PRKX: variants seen among roughly 807,000 people sequenced by gnomAD.
The protein encoded by PRKX is protein kinase cAMP-dependent X-linked catalytic subunit.
A neutral mutation model predicts 22.0 loss-of-function variants in PRKX; 12 were observed. That is an observed-to-expected ratio of 0.54 (90% confidence interval 0.35 to 0.88). The LOEUF is 0.88. Among genes scored for constraint, PRKX ranks in the 40% least tolerant of loss-of-function variants. The pLI is 0.01. For synonymous variants in PRKX, 134 were observed against 137.7 expected, an observed-to-expected ratio of 0.97 and a Z score of 0.19; for missense variants, 217 against 308.0, an observed-to-expected ratio of 0.70 and a Z score of 2.21.
At chrX:3,701,305 TATGTTGTCCAGGCTAG>T (rs889938984) in intron 1 of PRKX, among the ~76,000 whole-genome samples, 1 of 111,481 alleles carries the variant, frequency 9.0e-6, no homozygotes, top group Non-Finnish European at 1.9e-5. Flanking sequence ...AAGGTCTCAC[TATGTTGTCCAGGCTAG>T]TCTAGAACTG....
intron 2 of PRKX, among the ~76,000 whole-genome samples, chrX:3,662,634 G>T (rs1226957013): frequency 1.0e-5 from 1 of 98,365 alleles, no homozygotes. Flanking sequence ...GGCGGAGCTT[G>T]CAGTGAACCA....
rs1555896018 is a variant in PRKX, at chrX:3,666,911, T to TTA, written c.335+7686_335+7687insTA. Among the ~76,000 whole-genome samples, 296 of 65,797 alleles carry TTA rather than the reference T, an allele frequency of 4.5e-3. 2 individuals are homozygous for TTA. The highest frequency in any genetic ancestry group is 0.016 in the African/African-American group (273 of 16,920). The allele number at this position is 65,797 out of a possible 115,157, so 57.1% of individuals were successfully genotyped here. ...CAACAGAGCAAGACCTCATTTCTTTTAAAAAAAAAAAAAAAAAAAAAGGAA... is the reference window on the plus strand; with the variant it reads ...CAACAGAGCAAGACCTCATTTCTTTTTAAAAAAAAAAAAAAAAAAAAAAGGAA... On this transcript the variant is annotated intron_variant, in intron 2 of 8. Transcript: ENST00000262848.
intron 1 of PRKX, among the ~76,000 whole-genome samples, chrX:3,694,680 T>C (rs1928410217): frequency 8.9e-6 from 1 of 112,332 alleles, no homozygotes. Flanking sequence ...TATTTGGAAA[T>C]AAGGAACTTT....
At chrX:3,635,019 C>T (rs1926859336) in intron 4 of PRKX, among the ~76,000 whole-genome samples, 1 of 112,326 alleles carries the variant, frequency 8.9e-6, no homozygotes, top group African/African-American at 3.2e-5. Context: ...GGTTTTAATT[C>T]TAGAAAGTGT....
chrX:3,713,480 C>A lies in PRKX; in HGVS notation c.-227G>T. 3.8e-6 allele frequency: 1 copy of A among 262,757 alleles called. No individual in the cohort carries two copies. Among genetic ancestry groups the A allele is most frequent in the East Asian group, 5.8e-5 (1 of 17,160 alleles). 21.7% of individuals were successfully genotyped at this position (262,757 alleles called of 1,213,427 possible). A position where few individuals can be genotyped will look rare whatever the true frequency, so the allele number is the denominator to read the frequency against. Reference sequence around the variant, plus strand: ...CAACGGCCCCGAGTGGGAGCAGCCGCCGGCCTCGGGGGGCGGGCACCGAGT... The same window carrying A: ...CAACGGCCCCGAGTGGGAGCAGCCGACGGCCTCGGGGGGCGGGCACCGAGT... On this transcript the variant is annotated 5_prime_UTR_variant, in exon 1 of 9. Coordinates refer to ENST00000262848, the MANE Select transcript of PRKX (RefSeq NM_005044.5).
chrX:3,694,038 C>G (rs1928394204), intron 1 of PRKX, among the ~76,000 whole-genome samples: 1 of 108,844 alleles, frequency 9.2e-6, no homozygotes, highest in African/African-American at 3.4e-5. Flanking sequence ...AGGGTGGGAC[C>G]TAAATCCAAC....
intron 1 of PRKX, among the ~76,000 whole-genome samples, chrX:3,691,941 T>C (rs1928335293): frequency 9.1e-6 from 1 of 109,733 alleles, no homozygotes; most frequent in African/African-American, 3.3e-5. Flanking sequence ...GATGATACAC[T>C]GATTAATTGA....
intron 6 of PRKX, among the ~76,000 whole-genome samples, chrX:3,619,660 G>A (rs754541669): frequency 8.9e-6 from 1 of 111,777 alleles, no homozygotes; most frequent in South Asian, 3.8e-4. Flanking sequence ...AGGCAGGAAT[G>A]ATCCTCCCCT....
chrX:3,695,214 T>C (rs1928420652), intron 1 of PRKX, among the ~76,000 whole-genome samples: 1 of 111,432 alleles, frequency 9.0e-6, no homozygotes, highest in Non-Finnish European at 1.9e-5. Flanking sequence ...ATCACCCTTC[T>C]AATTTATTTA....
intron 6 of PRKX, among the ~76,000 whole-genome samples, chrX:3,617,344 T>C (rs1004482394): frequency 9.1e-6 from 1 of 110,441 alleles, no homozygotes; most frequent in African/African-American, 3.3e-5. Context: ...GTGTGTGTTA[T>C]ATAAAGTGTG....
At chrX:3,633,256 GAA>G (rs373830482) in intron 4 of PRKX, among the ~76,000 whole-genome samples, 1,043 of 58,987 alleles carry the variant, frequency 0.018, 11 homozygotes, top group Non-Finnish European at 0.028. Flanking sequence ...TGTCTCAAAA[GAA>G]AAAAAAAAAA....
rs778103164 is a variant in PRKX, at chrX:3,614,424, G to A, written c.951+1391C>T. 3.6e-5 allele frequency among the ~76,000 whole-genome samples: 4 copies of A among 112,305 alleles called. No individual in the cohort carries two copies. The East Asian group carries it at 1.1e-3, about 32-fold the overall frequency. ...GAACTGCTTGAAGCCAGGAGGTGGA[G>A]GCTGCAGTGAGCAAGATCGTGCCAC... On this transcript the variant is annotated intron_variant, in intron 7 of 8. Coordinates refer to ENST00000262848, the MANE Select transcript of PRKX (RefSeq NM_005044.5).
At chrX:3,665,610 A>G (rs760649850) in intron 2 of PRKX, among the ~76,000 whole-genome samples, 1 of 111,800 alleles carries the variant, frequency 8.9e-6, no homozygotes, top group South Asian at 3.8e-4. Flanking sequence ...CCAGTGTCCA[A>G]GGATGAATGA....
intron 4 of PRKX, among the ~76,000 whole-genome samples, chrX:3,640,072 C>A (rs189064418): frequency 9.0e-6 from 1 of 110,682 alleles, no homozygotes; most frequent in East Asian, 2.9e-4. Context: ...GTCTTTACCC[C>A]CTGCAGGGAA....
intron 4 of PRKX, among the ~76,000 whole-genome samples, chrX:3,634,613 G>A (rs973622869): frequency 8.9e-6 from 1 of 111,805 alleles, no homozygotes; most frequent in Non-Finnish European, 1.9e-5. Context: ...GACAGAGGGA[G>A]GAGAGGCCAG....
chrX:3,675,673 TTCC>T (rs56177616), intron 1 of PRKX, among the ~76,000 whole-genome samples: 54,265 of 108,217 alleles, frequency 0.5, 10,492 homozygotes, highest in Middle Eastern at 0.64. Flanking sequence ...GCTTTGCTTG[TTCC>T]TCCTCCTCCT....
Position 3,694,728 on chromosome X carries a change from G to A in PRKX, c.166+18360C>T, listed in dbSNP as rs182483682. On this transcript the variant is annotated intron_variant, in intron 1 of 8. Transcript: ENST00000262848. The stretch of plus-strand genomic sequence containing the variant: ...AAGCTAGGGATCTTGAGATGAGATC[G>A]CGCTGGAAAAGGGTGGGCCCTAAAT... Among the ~76,000 whole-genome samples, 187 of 111,632 alleles carry A rather than the reference G, an allele frequency of 1.7e-3. 1 individual carries two copies. The highest frequency in any genetic ancestry group is 5.3e-3 in the African/African-American group (162 of 30,703).
chrX:3,621,488 A>G (rs1406067038), intron 5 of PRKX, among the ~76,000 whole-genome samples, 172 bp from the exon 6 acceptor site: 1 of 112,349 alleles, frequency 8.9e-6, no homozygotes. Context: ...CGGCTCTTAA[A>G]TCACCTATGC....
At chrX:3,704,983 G>A (rs1042903280) in intron 1 of PRKX, among the ~76,000 whole-genome samples, 3 of 111,765 alleles carry the variant, frequency 2.7e-5, no homozygotes, top group African/African-American at 9.8e-5. Flanking sequence ...GCAAGACTAA[G>A]ACAGTGTGAA....
Sources: gnomAD v4.1 joint callset for allele counts (sites outside exome capture counted in the v4.1 genomes callset) on GRCh38, gnomAD v4.1.1 for gene constraint, MANE v1.5 for transcripts, NCBI Gene and HGNC (gene_info 2026-07-23, HGNC 2026-07-21) for gene names.